HLA-G: variants seen among roughly 807,000 people sequenced by gnomAD.
The protein encoded by HLA-G is major histocompatibility complex, class I, G.
Under a neutral mutation model 39.3 loss-of-function variants are expected in HLA-G, and 34 were observed. That is an observed-to-expected ratio of 0.86 (90% CI 0.66 to 1.15). The LOEUF is 1.15. Among genes scored for constraint, HLA-G ranks in the 50% most tolerant of loss-of-function variants. HLA-G has a pLI of 0.00. For missense variants in HLA-G, 419 were observed against 456.4 expected (o/e 0.92, Z 0.75); for synonymous variants, 183 against 185.8 (o/e 0.99, Z 0.12).
chr6:29,827,170 T>G (rs1760744302), upstream of HLA-G: 1 of 460,960 alleles, frequency 2.2e-6, no homozygotes, highest in South Asian at 1.6e-5. Context: ...CAAAGTCACA[T>G]TTTTTACCGA....
chr6:29,828,890 G>T, intron 3 of HLA-G, 72 bp downstream of exon 3: 1 of 1,595,724 alleles, frequency 6.3e-7, no homozygotes, highest in Non-Finnish European at 8.6e-7. Flanking sequence ...AAGGAGAGGA[G>T]GAAAATGGGA....
At chr6:29,828,877 C>T in intron 3 of HLA-G, 59 bp downstream of exon 3, 1 of 1,609,518 alleles carries the variant, frequency 6.2e-7, no homozygotes, top group Non-Finnish European at 8.5e-7. Flanking sequence ...CCTGGCCTAG[C>T]ACAAGGAGAG....
rs766121990 is a variant in HLA-G, at chr6:29,828,229, G to A, written c.256G>A (p.Glu86Lys). ...GCAGGAGGGGCCGGAGTATTGGGAA[G>A]AGGAGACACGGAACACCAAGGCCCA... Reference protein sequence around the residue: ...VEQEGPEYWEEETRNTKAHAQ... With the variant: ...VEQEGPEYWEKETRNTKAHAQ... Residue 86 changes from glutamate to lysine, a missense_variant, in exon 2 of 7, where the codon GAG (glutamate) becomes AAG (lysine). Glu to Lys is a moderately conservative substitution (Grantham distance 56). Transcript: ENST00000360323. 1.2e-6 allele frequency: 2 copies of A among 1,613,322 alleles called. No homozygotes were observed. The highest frequency in any genetic ancestry group is 1.7e-6 in the Non-Finnish European group (2 of 1,179,786).
Position 29,830,970 on chromosome 6 carries a change from G to A in HLA-G, c.*231G>A, listed in dbSNP as rs984061571. 4 of 219,388 alleles carry A rather than the reference G, an allele frequency of 1.8e-5. No individual in the cohort carries two copies. The highest frequency in any genetic ancestry group is 9.8e-5 in the Admixed American group (2 of 20,466). The allele number at this position is 219,388 out of a possible 1,614,324, so 13.6% of individuals were successfully genotyped here. A position where few individuals can be genotyped will look rare whatever the true frequency, so the allele number is the denominator to read the frequency against. Reference sequence around the variant, plus strand: ...TCTCCGTCTCTGTCTCAAATTTGTGGTCCACTGAGCTATAACTTACTTCTG... The same window carrying A: ...TCTCCGTCTCTGTCTCAAATTTGTGATCCACTGAGCTATAACTTACTTCTG... On this transcript the variant is annotated 3_prime_UTR_variant, in exon 7 of 7. Transcript: ENST00000360323.
At position 29,829,466 on chromosome 6, in the gene HLA-G, C is replaced by T. The variant is rs776839936; in HGVS notation, c.668C>T (p.Ala223Val). The change falls in exon 4 of 7, where the codon GCC becomes GTC. Residue 223 changes from alanine to valine, a missense_variant. Ala to Val is a moderately conservative substitution (Grantham distance 64, BLOSUM62 0). This residue lies in a region of HLA-G where 328 missense variants were observed against 323.0 expected (regional missense o/e 1.02). Coordinates refer to ENST00000360323, the MANE Select transcript of HLA-G (RefSeq NM_001384290.1). ...VTHHPVFDYE[A>V]TLRCWALGFY... Reference sequence around the variant, plus strand: ...CACCACCCTGTCTTTGACTATGAGGCCACCCTGAGGTGCTGGGCCCTGGGC... The same window carrying T: ...CACCACCCTGTCTTTGACTATGAGGTCACCCTGAGGTGCTGGGCCCTGGGC... 8.1e-6 allele frequency: 13 copies of T among 1,613,714 alleles called. No individual in the cohort carries two copies. In the South Asian group the frequency reaches 1.4e-4, roughly 18 times the overall value.
In HLA-G at chr6:29,828,004, C is replaced by T. The variant is rs1243844312; in HGVS notation, c.74-43C>T. The T allele has an allele frequency of 2.5e-6, 4 of 1,576,510 alleles. No homozygotes were observed. The African/African-American group carries it at 5.6e-5, about 22-fold the overall frequency. ...GGGGCGCAGGACTCGGCAGCCGCGC[C>T]GGGAGGAGGGTCGGGCGGGTCTCAA... On this transcript the variant is annotated intron_variant, in intron 1 of 6. Coordinates refer to ENST00000360323, the MANE Select transcript of HLA-G (RefSeq NM_001384290.1).
chr6:29,827,199 AG>A (rs1245751670), upstream of HLA-G, among the ~76,000 whole-genome samples: 1 of 152,200 alleles, frequency 6.6e-6, no homozygotes, highest in Admixed American at 6.5e-5. Context: ...CTGATCATTC[AG>A]GGGTTACCAA....
Position 29,829,460 on chromosome 6 carries a change from A to G in HLA-G, c.662A>G (p.Tyr221Cys). The G allele has an allele frequency of 2.5e-6, 4 of 1,613,784 alleles. No homozygotes were observed. Among genetic ancestry groups the G allele is most frequent in the Non-Finnish European group, 3.4e-6 (4 of 1,179,830 alleles). The change falls in exon 4 of 7, where the codon TAT becomes TGT. Residue 221 changes from tyrosine (Y) to cysteine (C), a missense_variant. Tyr to Cys is a radical substitution (Grantham distance 194, BLOSUM62 -2). Coordinates refer to ENST00000360323, the MANE Select transcript of HLA-G (RefSeq NM_001384290.1). ...THVTHHPVFDYEATLRCWALG... is the reference protein window; with the variant it reads ...THVTHHPVFDCEATLRCWALG... ...GTGACCCACCACCCTGTCTTTGACT[A>G]TGAGGCCACCCTGAGGTGCTGGGCC...
chr6:29,828,048 C>T lies in HLA-G; in HGVS notation c.75C>T (p.Gly25=), dbSNP rs756023522. The T allele has an allele frequency of 1.1e-5, 17 of 1,610,314 alleles. No individual in the cohort carries two copies. The highest frequency in any genetic ancestry group is 3.3e-5 in the Admixed American group (2 of 59,888). ...GTCTCAACCCCTCCTCGCCCCCAGG[C>T]TCCCACTCCATGAGGTATTTCAGCG... is the stretch of plus-strand genomic sequence containing the variant. ...GALTLTETWA[G]SHSMRYFSAA... The change falls in exon 2 of 7, where the codon GGC becomes GGT. Residue 25 remains glycine (G), a splice_region_variant and synonymous_variant. Coordinates refer to ENST00000360323, the MANE Select transcript of HLA-G (RefSeq NM_001384290.1).
Position 29,829,513 on chromosome 6 carries a change from C to T in HLA-G, c.715C>T (p.Leu239=), listed in dbSNP as rs760590289. 5.0e-6 allele frequency: 8 copies of T among 1,613,874 alleles called. No individual in the cohort carries two copies. The highest frequency in any genetic ancestry group is 3.3e-5 in the South Asian group (3 of 91,066). Reference sequence around the variant, plus strand: ...GGGCTTCTACCCTGCGGAGATCATACTGACCTGGCAGCGGGATGGGGAGGA... The same window carrying T: ...GGGCTTCTACCCTGCGGAGATCATATTGACCTGGCAGCGGGATGGGGAGGA... ...ALGFYPAEII[L]TWQRDGEDQT... The change falls in exon 4 of 7, where the codon CTG becomes TTG. Residue 239 remains leucine, a synonymous_variant. Coordinates refer to ENST00000360323, the MANE Select transcript of HLA-G (RefSeq NM_001384290.1).
At position 29,828,592 on chromosome 6, in the gene HLA-G, A is replaced by G. The variant is rs3873252; in HGVS notation, c.393A>G (p.Gly131=). The G allele has an allele frequency of 1.6e-5, 26 of 1,612,750 alleles. No individual in the cohort carries two copies. The East Asian group carries it at 3.8e-4, about 24-fold the overall frequency. ...TTGGCTGCGACCTGGGGTCCGACGG[A>G]CGCCTCCTCCGCGGGTATGAACAGT... is the stretch of plus-strand genomic sequence containing the variant. ...WMIGCDLGSD[G]RLLRGYEQYA... Residue 131 remains glycine, a synonymous_variant, in exon 3 of 7, where the codon GGA becomes GGG. Coordinates refer to ENST00000360323, the MANE Select transcript of HLA-G (RefSeq NM_001384290.1).
rs2113860622 is a variant in HLA-G at position 29,829,623 on chromosome 6, T to C, written c.825T>C (p.Ser275=). 1.2e-6 allele frequency: 2 copies of C among 1,613,934 alleles called. No homozygotes were observed. The highest frequency in any genetic ancestry group is 1.7e-6 in the Non-Finnish European group (2 of 1,179,978). The part of the protein sequence containing the change: ...FQKWAAVVVP[S]GEEQRYTCHV... ...AGTGGGCAGCTGTGGTGGTGCCTTC[T>C]GGAGAGGAGCAGAGATACACGTGCC... Residue 275 remains serine, a synonymous_variant, in exon 4 of 7, where the codon TCT becomes TCC. Coordinates refer to ENST00000360323, the MANE Select transcript of HLA-G (RefSeq NM_001384290.1).
chr6:29,827,813 C>T (rs201414719), upstream of HLA-G: 146 of 1,600,278 alleles, frequency 9.1e-5, no homozygotes, highest in South Asian at 1.4e-3. Context: ...CCTCGCTCAC[C>T]CACCCGGACT....
Position 29,829,596 on chromosome 6 carries a change from GA to G in HLA-G, c.800del (p.Lys267SerfsTer30), listed in dbSNP as rs778241728. On this transcript the variant is annotated frameshift_variant, in exon 4 of 7. Transcript: ENST00000360323. LOFTEE classifies it high-confidence loss of function. The part of the protein sequence containing the change: ...TRPAGDGTFQ[K>X]WAAVVVPSGE... Reference sequence around the variant, plus strand: ...GGCCTGCAGGGGATGGAACCTTCCAGAAGTGGGCAGCTGTGGTGGTGCCTTC... The same window carrying G: ...GGCCTGCAGGGGATGGAACCTTCCAGAGTGGGCAGCTGTGGTGGTGCCTTC... 1 of 1,614,138 alleles carries G rather than the reference GA, an allele frequency of 6.2e-7. No homozygotes were observed. Among genetic ancestry groups the G allele is most frequent in the Non-Finnish European group, 8.5e-7 (1 of 1,180,016 alleles).
rs1210316823 is a variant in HLA-G at position 29,828,108 on chromosome 6, C to T, written c.135C>T (p.Arg45=). ...CCCGGCCCGGCCGCGGGGAGCCCCG[C>T]TTCATCGCCATGGGCTACGTGGACG... ...AVSRPGRGEP[R]FIAMGYVDDT... Residue 45 remains arginine, a synonymous_variant, in exon 2 of 7, where the codon CGC becomes CGT. Transcript: ENST00000360323. 22 of 1,612,748 alleles carry T rather than the reference C, an allele frequency of 1.4e-5. No homozygotes were observed. Among genetic ancestry groups the T allele is most frequent in the Non-Finnish European group, 1.9e-5 (22 of 1,179,780 alleles).
Position 29,828,717 on chromosome 6 carries a change from C to A in HLA-G, c.518C>A (p.Ala173Glu), listed in dbSNP as rs1476760586. The change falls in exon 3 of 7, where the codon GCG becomes GAG. Residue 173 changes from alanine (A) to glutamate (E), a missense_variant. Transcript: ENST00000360323. The stretch of plus-strand genomic sequence containing the variant: ...CAGATCTCCAAGCGCAAGTGTGAGG[C>A]GGCCAATGTGGCTGAACAAAGGAGA... ...AAQISKRKCEAANVAEQRRAY... is the reference protein window; with the variant it reads ...AAQISKRKCEEANVAEQRRAY... 1 of 1,613,832 alleles carries A rather than the reference C, an allele frequency of 6.2e-7. No individual in the cohort carries two copies. The highest frequency in any genetic ancestry group is 8.5e-7 in the Non-Finnish European group (1 of 1,180,028).
chr6:29,829,356 G>A (rs1004181336), intron 3 of HLA-G, 62 bp from the exon 4 acceptor site: 2 of 1,546,720 alleles, frequency 1.3e-6, no homozygotes, highest in Non-Finnish European at 1.8e-6. Context: ...TCACATCCAG[G>A]TGCTGCTGGA....
Position 29,829,536 on chromosome 6 carries a change from G to A in HLA-G, c.738G>A (p.Glu246=). 2 of 1,613,982 alleles carry A rather than the reference G, an allele frequency of 1.2e-6. No homozygotes were observed. The highest frequency in any genetic ancestry group is 1.7e-6 in the Non-Finnish European group (2 of 1,179,908). ...TACTGACCTGGCAGCGGGATGGGGA[G>A]GACCAGACCCAGGACGTGGAGCTCG... ...EIILTWQRDG[E]DQTQDVELVE... The change falls in exon 4 of 7, where the codon GAG becomes GAA. Residue 246 remains glutamate, a synonymous_variant. Coordinates refer to ENST00000360323, the MANE Select transcript of HLA-G (RefSeq NM_001384290.1).
Position 29,828,159 on chromosome 6 carries a change from C to A in HLA-G, c.186C>A (p.Ser62Arg), listed in dbSNP as rs562210158. 1.2e-6 allele frequency: 2 copies of A among 1,613,332 alleles called. No homozygotes were observed. The highest frequency in any genetic ancestry group is 1.3e-5 in the African/African-American group (1 of 75,050). ...ACACGCAGTTCGTGCGGTTCGACAGCGACTCGGCGTGTCCGAGGATGGAGC... is the reference window on the plus strand; with the variant it reads ...ACACGCAGTTCGTGCGGTTCGACAGAGACTCGGCGTGTCCGAGGATGGAGC... Reference protein sequence around the residue: ...VDDTQFVRFDSDSACPRMEPR... With the variant: ...VDDTQFVRFDRDSACPRMEPR... The change falls in exon 2 of 7, where the codon AGC (serine) becomes AGA (arginine). Residue 62 changes from serine (S) to arginine (R), a missense_variant. Around this residue, in one of 2 missense-constraint regions of HLA-G, gnomAD observed 91 missense variants for 133.4 expected, o/e 0.68. Coordinates refer to ENST00000360323, the MANE Select transcript of HLA-G (RefSeq NM_001384290.1).
Sources: allele counts gnomAD v4.1 joint callset (sites outside exome capture counted in the v4.1 genomes callset), GRCh38; gene constraint gnomAD v4.1.1; regional missense constraint gnomAD v4.1.1; transcripts MANE v1.5; gene names NCBI Gene and HGNC (gene_info 2026-07-23, HGNC 2026-07-21).